ENTPD4: variants seen among roughly 807,000 people sequenced by gnomAD.
ENTPD4 encodes the protein Golgi UDPase.
A neutral mutation model predicts 79.1 loss-of-function variants in ENTPD4; 60 were observed. That is an observed-to-expected ratio of 0.76 (90% CI 0.62 to 0.94). The LOEUF (loss-of-function observed/expected upper bound fraction) is 0.94, where lower values mean the gene tolerates loss of function less well. Among genes scored for constraint, ENTPD4 ranks in the 40% least tolerant of loss-of-function variants. The pLI is 0.00. For synonymous variants in ENTPD4, 276 were observed against 292.0 expected, an observed-to-expected ratio of 0.95 and a Z score of 0.56; for missense variants, 772 against 775.1, an observed-to-expected ratio of 1.00 and a Z score of 0.05.
intron 1 of ENTPD4, among the ~76,000 whole-genome samples, chr8:23,456,344 C>A (rs1800957811): frequency 6.6e-6 from 1 of 152,230 alleles, no homozygotes. Context: ...TCTTTCAAGG[C>A]ACAAGTCAAC....
chr8:23,437,900 T>G (rs889649168), intron 9 of ENTPD4, among the ~76,000 whole-genome samples: 1 of 152,172 alleles, frequency 6.6e-6, no homozygotes, highest in East Asian at 1.9e-4. Context: ...GAGGAAAAGA[T>G]TAGCAAATGA....
chr8:23,448,630 T>C (rs868009533), intron 3 of ENTPD4, 112 bp downstream of exon 3: 21 of 813,296 alleles, frequency 2.6e-5, no homozygotes, highest in Middle Eastern at 3.5e-4. Flanking sequence ...TAGAAACAAA[T>C]TGCTGTTGTT....
chr8:23,432,894 C>T lies in ENTPD4; in HGVS notation c.*32G>A, dbSNP rs1253240417. ...AAACCCTGAGGCAAAAATGGCTTTT[C>T]CTTTTGAGTCTTCGTGGAGCTGTGA... On this transcript the variant is annotated 3_prime_UTR_variant, in exon 13 of 13. Coordinates refer to ENST00000358689, the MANE Select transcript of ENTPD4 (RefSeq NM_004901.5). The T allele has an allele frequency of 6.5e-7, 1 of 1,527,856 alleles. No homozygotes were observed. The highest frequency in any genetic ancestry group is 8.8e-7 in the Non-Finnish European group (1 of 1,133,366). 94.6% of individuals were successfully genotyped at this position (1,527,856 alleles called of 1,614,324 possible). A position where few individuals can be genotyped will look rare whatever the true frequency, so the allele number is the denominator to read the frequency against.
At position 23,430,801 on chromosome 8, in the gene ENTPD4, C is replaced by T. The variant is rs1800440714; in HGVS notation, c.*2125G>A. 3.0e-6 allele frequency: 3 copies of T among 985,568 alleles called. No homozygotes were observed. The highest frequency in any genetic ancestry group is 3.6e-6 in the Non-Finnish European group (3 of 830,132). The allele number at this position is 985,568 out of a possible 1,614,324, so 61.1% of individuals were successfully genotyped here. On this transcript the variant is annotated 3_prime_UTR_variant, in exon 13 of 13. Coordinates refer to ENST00000358689, the MANE Select transcript of ENTPD4 (RefSeq NM_004901.5). ...CCTTTCCTTTCTTCCCTCTCTGCTG[C>T]TGACACCAGTGGCTCCATCGCCAGC... is the stretch of plus-strand genomic sequence containing the variant.
intron 12 of ENTPD4, among the ~76,000 whole-genome samples, chr8:23,433,397 G>T (rs1266587261): frequency 6.6e-6 from 1 of 152,202 alleles, no homozygotes; most frequent in Non-Finnish European, 1.5e-5. Context: ...GAGGAATTTA[G>T]AAGAGCCGTG....
intron 1 of ENTPD4, among the ~76,000 whole-genome samples, chr8:23,456,669 C>T (rs1035858505): frequency 6.6e-6 from 1 of 152,162 alleles, no homozygotes; most frequent in Non-Finnish European, 1.5e-5. Flanking sequence ...TTTTATAATT[C>T]TACTATGTCA....
Position 23,429,642 on chromosome 8 carries a change from C to G in ENTPD4, c.*3284G>C. On this transcript the variant is annotated 3_prime_UTR_variant, in exon 13 of 13. Coordinates refer to ENST00000358689, the MANE Select transcript of ENTPD4 (RefSeq NM_004901.5). The stretch of plus-strand genomic sequence containing the variant: ...AGGCCTGAGTTTAAAATGTAAATAT[C>G]TGTTTATCCAGAGTTTGTTAATCTA... 1 of 985,390 alleles carries G rather than the reference C, an allele frequency of 1.0e-6. No individual in the cohort carries two copies. Among genetic ancestry groups the G allele is most frequent in the East Asian group, 1.1e-4 (1 of 8,814 alleles). 61.0% of individuals were successfully genotyped at this position (985,390 alleles called of 1,614,324 possible).
intron 1 of ENTPD4, among the ~76,000 whole-genome samples, chr8:23,450,217 A>G (rs1800835238): frequency 6.6e-6 from 1 of 152,244 alleles, no homozygotes; most frequent in South Asian, 2.1e-4. Context: ...GGTACTAGTT[A>G]GTGCTGTCTA....
In ENTPD4 at chr8:23,432,784, C is replaced by G; in HGVS notation, c.*142G>C. On this transcript the variant is annotated 3_prime_UTR_variant, in exon 13 of 13. Transcript: ENST00000358689. ...AAGTGCTGGGATTACAGGCGTGAGC[C>G]ACCGCGCTCGGCCTGCATTTTGTTT... The G allele has an allele frequency of 7.0e-7, 1 of 1,434,440 alleles. No individual in the cohort carries two copies. Among genetic ancestry groups the G allele is most frequent in the Non-Finnish European group, 9.1e-7 (1 of 1,098,570 alleles). 88.9% of individuals were successfully genotyped at this position (1,434,440 alleles called of 1,614,324 possible).
In ENTPD4 at chr8:23,433,170, C is replaced by A; in HGVS notation, c.1623-16G>T. 5 of 1,611,098 alleles carry A rather than the reference C, an allele frequency of 3.1e-6. No individual in the cohort carries two copies. The highest frequency in any genetic ancestry group is 4.2e-6 in the Non-Finnish European group (5 of 1,177,502). ...CTGGATGTCTCTGCCCATGTGAACA[C>A]CAAACAACAAACAGGACAGTAAGCA... On this transcript the variant is annotated splice_polypyrimidine_tract_variant and intron_variant, in intron 12 of 12. Coordinates refer to ENST00000358689, the MANE Select transcript of ENTPD4 (RefSeq NM_004901.5).
chr8:23,438,834 A>G lies in ENTPD4; in HGVS notation c.1049+915T>C, dbSNP rs533934751. ...AAGGTTTTTATTGCTTTTCCTATTT[A>G]CACACATGACTTTGTGGTAAATGTA... On this transcript the variant is annotated intron_variant, in intron 9 of 12. Transcript: ENST00000358689. 3.3e-5 allele frequency among the ~76,000 whole-genome samples: 5 copies of G among 152,336 alleles called. No individual in the cohort carries two copies. The South Asian group carries it at 1.0e-3, about 32-fold the overall frequency.
chr8:23,433,335 A>T (rs553689964), intron 12 of ENTPD4, among the ~76,000 whole-genome samples, 181 bp from the exon 13 acceptor site: 1 of 152,310 alleles, frequency 6.6e-6, no homozygotes, highest in South Asian at 2.1e-4. Flanking sequence ...GTGAGATAAC[A>T]TGTGAAAGTA....
At chr8:23,451,991 T>A (rs1031747690) in intron 1 of ENTPD4, among the ~76,000 whole-genome samples, 4 of 152,196 alleles carry the variant, frequency 2.6e-5, no homozygotes, top group African/African-American at 9.6e-5. Flanking sequence ...ATTGTACAAA[T>A]ACTAACTTCA....
rs1800459390 is a variant in ENTPD4, at chr8:23,431,842, CCA to C, written c.*1082_*1083del. 1 of 985,384 alleles carries C rather than the reference CCA, an allele frequency of 1.0e-6. No homozygotes were observed. The highest frequency in any genetic ancestry group is 1.7e-5 in the African/African-American group (1 of 57,332). The allele number at this position is 985,384 out of a possible 1,614,324, so 61.0% of individuals were successfully genotyped here. A position where few individuals can be genotyped will look rare whatever the true frequency, so the allele number is the denominator to read the frequency against. ...CTAGGAATTTCCAATTCTTTCAAAA[CCA>C]CAGTGTTCTAATGCCACTGAAATAT... On this transcript the variant is annotated 3_prime_UTR_variant, in exon 13 of 13. Coordinates refer to ENST00000358689, the MANE Select transcript of ENTPD4 (RefSeq NM_004901.5).
At position 23,442,514 on chromosome 8, in the gene ENTPD4, T is replaced by C. The variant is rs528303586; in HGVS notation, c.668-448A>G. On this transcript the variant is annotated intron_variant, in intron 6 of 12. Coordinates refer to ENST00000358689, the MANE Select transcript of ENTPD4 (RefSeq NM_004901.5). Reference sequence around the variant, plus strand: ...TCCTGGCCAACATGGTGAAACCCCGTCTCTACTAAAAATACAAAAATTAGT... The same window carrying C: ...TCCTGGCCAACATGGTGAAACCCCGCCTCTACTAAAAATACAAAAATTAGT... Among the ~76,000 whole-genome samples, 39 of 152,078 alleles carry C rather than the reference T, an allele frequency of 2.6e-4. No homozygotes were observed. The South Asian group carries it at 7.1e-3, about 28-fold the overall frequency.
chr8:23,443,784 G>T, intron 6 of ENTPD4, 66 bp downstream of exon 6: 1 of 899,464 alleles, frequency 1.1e-6, no homozygotes, highest in East Asian at 2.4e-5. Context: ...AGGGTACATT[G>T]GTGAAAATGG....
rs895445260 is a variant in ENTPD4, at chr8:23,436,999, A to G, written c.1309T>C (p.Cys437Arg). 4 of 1,614,054 alleles carry G rather than the reference A, an allele frequency of 2.5e-6. No homozygotes were observed. In the South Asian group the frequency reaches 4.4e-5, roughly 18 times the overall value. Residue 437 changes from cysteine (C) to arginine (R), a missense_variant, in exon 10 of 13, where the codon TGC becomes CGC. Physicochemically the swap from Cys to Arg is radical, Grantham distance 180. Coordinates refer to ENST00000358689, the MANE Select transcript of ENTPD4 (RefSeq NM_004901.5). ...EFYGFSEFYYCTEDVLRMGGD... is the reference protein window; with the variant it reads ...EFYGFSEFYYRTEDVLRMGGD... ...CCCATTCGTAACACATCCTCGGTGCAGTAGTAGAATTCGGAGAAGCCATAG... is the reference window on the plus strand; with the variant it reads ...CCCATTCGTAACACATCCTCGGTGCGGTAGTAGAATTCGGAGAAGCCATAG...
At position 23,435,438 on chromosome 8, in the gene ENTPD4, A is replaced by C; in HGVS notation, c.1414T>G (p.Phe472Val). Reference sequence around the variant, plus strand: ...TGAGAGGCGTACAGTCCTCGGTCAAAGCGTTCCCGCAAAATGGACCACTTT... The same window carrying C: ...TGAGAGGCGTACAGTCCTCGGTCAACGCGTTCCCGCAAAATGGACCACTTT... ...ATKWSILRER[F>V]DRGLYASHAD... is the part of the protein sequence containing the mutation. The change falls in exon 11 of 13, where the codon TTT becomes GTT. Residue 472 changes from phenylalanine to valine, a missense_variant. Transcript: ENST00000358689. The C allele has an allele frequency of 6.2e-7, 1 of 1,614,214 alleles. No homozygotes were observed. The highest frequency in any genetic ancestry group is 8.5e-7 in the Non-Finnish European group (1 of 1,180,032).
At chr8:23,443,244 T>G (rs1800705136) in intron 6 of ENTPD4, among the ~76,000 whole-genome samples, 1 of 152,134 alleles carries the variant, frequency 6.6e-6, no homozygotes, top group Admixed American at 6.5e-5. Context: ...CCTAAAACCC[T>G]CATAGAACAG....
Sources: gnomAD v4.1 joint callset for allele counts (sites outside exome capture counted in the v4.1 genomes callset) on GRCh38, gnomAD v4.1.1 for gene constraint, MANE v1.5 for transcripts, NCBI Gene and HGNC (gene_info 2026-07-23, HGNC 2026-07-21) for gene names.